The following TLE3 variants were observed in gnomAD, a reference collection of about 807,000 sequenced individuals.
TLE3 encodes transducin-like enhancer protein 3.
In TLE3, 14 loss-of-function variants were observed where a neutral mutation model predicts 93.0. The ratio of observed to expected loss-of-function variants is 0.15; its 90% CI spans 0.10 to 0.24. TLE3 has a LOEUF of 0.24. TLE3 is among the 10% of genes least tolerant of loss of function. The pLI is 1.00. For synonymous variants in TLE3, 451 were observed against 425.0 expected (o/e 1.06, Z -0.75); for missense variants, 693 against 1,046.6 (o/e 0.66, Z 4.66).
At chr15:70,079,449 C>A in intron 4 of TLE3, 1 of 444,644 alleles carries the variant, frequency 2.2e-6, no homozygotes, top group South Asian at 1.6e-5. Flanking sequence ...GTAAACCCAG[C>A]CCCTCCCCTG....
intron 14 of TLE3, chr15:70,055,864 A>C (rs996127367): frequency 7.6e-6 from 2 of 264,604 alleles, no homozygotes. Context: ...CTAGCAACCC[A>C]AGGAAGTGAA....
At chr15:70,071,241 A>C (rs903038739) in intron 6 of TLE3, among the ~76,000 whole-genome samples, 3 of 152,198 alleles carry the variant, frequency 2.0e-5, no homozygotes, top group Admixed American at 2.0e-4. Flanking sequence ...AATTGGATCC[A>C]AGAAGCATGT....
Position 70,054,490 on chromosome 15 carries a change from A to C in TLE3, c.1774T>G (p.Cys592Gly). ...CAGACAGCAATGTTCCCATCGCTGCAGCAGGAGAAGCAGACTTTGGCGTCA... is the reference window on the plus strand; with the variant it reads ...CAGACAGCAATGTTCCCATCGCTGCCGCAGGAGAAGCAGACTTTGGCGTCA... ...SPDAKVCFSC[C>G]SDGNIAVWDL... Residue 592 changes from cysteine (C) to glycine (G), a missense_variant, in exon 16 of 20, where the codon TGC (cysteine) becomes GGC (glycine). Cys to Gly is a radical substitution (Grantham distance 159, BLOSUM62 -3). Transcript: ENST00000451782. 6.2e-7 allele frequency: 1 copy of C among 1,614,044 alleles called. No homozygotes were observed.
chr15:70,094,708 A>T, intron 3 of TLE3, 132 bp from the exon 4 acceptor site: 1 of 688,436 alleles, frequency 1.5e-6, no homozygotes, highest in Non-Finnish European at 2.5e-6. Flanking sequence ...TTTAAATCAA[A>T]CCCCAAAGCC....
intron 15 of TLE3, 23 bp from the exon 16 acceptor site, chr15:70,054,708 T>G: frequency 6.4e-7 from 1 of 1,553,100 alleles, no homozygotes; most frequent in South Asian, 1.2e-5. Flanking sequence ...GGGGCAGGGC[T>G]GAGTGCTGCC....
intron 3 of TLE3, among the ~76,000 whole-genome samples, chr15:70,095,067 A>T (rs1332401584): frequency 1.3e-5 from 2 of 152,160 alleles, no homozygotes; most frequent in Admixed American, 1.3e-4. Flanking sequence ...ATCCCTGAGG[A>T]GGGGAGTGGA....
At chr15:70,079,225 G>T (rs1236373737) in intron 4 of TLE3, 2 of 346,278 alleles carry the variant, frequency 5.8e-6, no homozygotes, top group Non-Finnish European at 1.2e-5. Flanking sequence ...TCGCAACAAT[G>T]CCACACAGAT....
intron 6 of TLE3, among the ~76,000 whole-genome samples, chr15:70,072,343 G>A (rs2057228841): frequency 6.6e-6 from 1 of 152,200 alleles, no homozygotes; most frequent in Admixed American, 6.5e-5. Flanking sequence ...GGCAGAGGGT[G>A]AGAGGGGACC....
Position 70,057,584 on chromosome 15 carries a change from T to C in TLE3, c.1126A>G (p.Met376Val). 1 of 1,599,642 alleles carries C rather than the reference T, an allele frequency of 6.3e-7. No individual in the cohort carries two copies. The highest frequency in any genetic ancestry group is 8.5e-7 in the Non-Finnish European group (1 of 1,173,948). Residue 376 changes from methionine to valine, a missense_variant, in exon 13 of 20, where the codon ATG (methionine) becomes GTG (valine). Met to Val is a conservative substitution (Grantham distance 21). Around this residue, in one of 4 missense-constraint regions of TLE3, gnomAD observed 405 missense variants for 468.9 expected, o/e 0.86. Transcript: ENST00000451782. ...CCAGGACTGGTGAGGGAGCCGTTCA[T>C]CTCATGGTGGCTCATCATGGCGAAG... ...APFAMMSHHE[M>V]NGSLTSPGAY... is the part of the protein sequence containing the mutation.
At chr15:70,093,777 A>C (rs1411137902) in intron 4 of TLE3, among the ~76,000 whole-genome samples, 1 of 152,246 alleles carries the variant, frequency 6.6e-6, no homozygotes, top group Non-Finnish European at 1.5e-5. Flanking sequence ...AATACCAGGT[A>C]GTTTACATAT....
intron 13 of TLE3, 118 bp downstream of exon 13, chr15:70,057,341 C>A (rs2056135609): frequency 3.4e-6 from 4 of 1,189,398 alleles, no homozygotes; most frequent in East Asian, 2.6e-5. Flanking sequence ...CCCACAGGGG[C>A]AGCTGCCTGG....
At chr15:70,081,273 G>A (rs559424204) in intron 4 of TLE3, among the ~76,000 whole-genome samples, 77 of 152,176 alleles carry the variant, frequency 5.1e-4, no homozygotes, top group Admixed American at 2.2e-3. Flanking sequence ...AAATATTCCC[G>A]AATTGGCGTG....
At chr15:70,051,206 C>T (rs1354058602) in intron 19 of TLE3, 185 bp downstream of exon 19, 2 of 546,242 alleles carry the variant, frequency 3.7e-6, no homozygotes, top group Non-Finnish European at 6.5e-6. Context: ...TGCTGAAGTC[C>T]CCAGGTCCTT....
At chr15:70,091,892 G>A (rs975494026) in intron 4 of TLE3, among the ~76,000 whole-genome samples, 7 of 152,146 alleles carry the variant, frequency 4.6e-5, no homozygotes, top group South Asian at 2.1e-4. Flanking sequence ...GCGTGTATGC[G>A]CGCAGGCTGA....
At chr15:70,069,582 G>A (rs929158261) in intron 6 of TLE3, among the ~76,000 whole-genome samples, 2 of 152,342 alleles carry the variant, frequency 1.3e-5, no homozygotes, top group African/African-American at 4.8e-5. Flanking sequence ...GCTGCAAAGA[G>A]CCAGAAACTC....
chr15:70,051,315 A>G (rs1462416911), intron 19 of TLE3, 76 bp downstream of exon 19: 2 of 1,411,698 alleles, frequency 1.4e-6, no homozygotes, highest in African/African-American at 2.9e-5. Flanking sequence ...TCCTGCTGCT[A>G]TCCTCACTCC....
At position 70,095,420 on chromosome 15, in the gene TLE3, T is replaced by C. The variant is rs1024590867; in HGVS notation, c.189+158A>G. On this transcript the variant is annotated intron_variant, in intron 3 of 19. Coordinates refer to ENST00000451782, the MANE Select transcript of TLE3 (RefSeq NM_001105192.3). Reference sequence around the variant, plus strand: ...TCCAAGTGGCCCCGGCAATGGAAGCTGGGGAAGGGGAGGGCAAGACCAGAT... The same window carrying C: ...TCCAAGTGGCCCCGGCAATGGAAGCCGGGGAAGGGGAGGGCAAGACCAGAT... The C allele has an allele frequency of 4.0e-6, 6 of 1,496,090 alleles. No individual in the cohort carries two copies. In the African/African-American group the frequency reaches 5.6e-5, roughly 14 times the overall value. The allele number at this position is 1,496,090 out of a possible 1,614,324, so 92.7% of individuals were successfully genotyped here.
chr15:70,051,722 C>T (rs1418751778), intron 18 of TLE3, among the ~76,000 whole-genome samples: 3 of 152,216 alleles, frequency 2.0e-5, no homozygotes, highest in African/African-American at 7.2e-5. Context: ...AGTGATAACG[C>T]TGCCTCAAAA....
chr15:70,079,689 G>A (rs955076415), intron 4 of TLE3, among the ~76,000 whole-genome samples: 20 of 151,822 alleles, frequency 1.3e-4, no homozygotes, highest in Admixed American at 1.2e-3. Flanking sequence ...TTTTTTGGAG[G>A]GTGGCGCTTG....
Sources: allele counts gnomAD v4.1 joint callset (sites outside exome capture counted in the v4.1 genomes callset), GRCh38; gene constraint gnomAD v4.1.1; regional missense constraint gnomAD v4.1.1; transcripts MANE v1.5; gene names NCBI Gene and HGNC (gene_info 2026-07-23, HGNC 2026-07-21).